The following EDIL3 variants were observed in gnomAD, a reference collection of about 807,000 sequenced individuals.
EDIL3 encodes the protein EGF like and discoidin domains 3.
EDIL3 carries 37 observed loss-of-function variants against 67.4 expected under a neutral mutation model. The ratio of observed to expected loss-of-function variants is 0.55; its 90% confidence interval spans 0.42 to 0.72. EDIL3 has a LOEUF of 0.72. Ranked by LOEUF, EDIL3 falls within the 30% of genes least tolerant of loss-of-function variation. The pLI, the probability that EDIL3 is intolerant of heterozygous loss-of-function variation, is 0.00. For synonymous variants in EDIL3, 195 were observed against 196.3 expected, an observed-to-expected ratio of 0.99 and a Z score of 0.05; for missense variants, 527 against 586.3, an observed-to-expected ratio of 0.90 and a Z score of 1.04.
rs201011201 is a variant in EDIL3, at chr5:84,074,524, A to C, written c.652-7918T>G. Among the ~76,000 whole-genome samples the C allele has an allele frequency of 3.0e-3, 458 of 152,250 alleles. 20 individuals are homozygous for C. The East Asian group carries it at 0.08, about 27-fold the overall frequency. On this transcript the variant is annotated intron_variant, in intron 6 of 10. Transcript: ENST00000296591. ...CAAGAAAAAAACAAATAACCCCATC[A>C]AAAAGTGGGCAAAGGACATGAACAG...
At position 84,139,011 on chromosome 5, in the gene EDIL3, G is replaced by A. The variant is rs531990667; in HGVS notation, c.356-1657C>T. ...TCCCAGCACTTTGGCAGGCCAAGGCGGGTGGATCACAAGGCCAGTAGTTCA... is the reference window on the plus strand; with the variant it reads ...TCCCAGCACTTTGGCAGGCCAAGGCAGGTGGATCACAAGGCCAGTAGTTCA... On this transcript the variant is annotated intron_variant, in intron 4 of 10. Coordinates refer to ENST00000296591, the MANE Select transcript of EDIL3 (RefSeq NM_005711.5). Among the ~76,000 whole-genome samples, 135 of 152,296 alleles carry A rather than the reference G, an allele frequency of 8.9e-4. 2 individuals carry two copies. In the Middle Eastern group the frequency reaches 0.031, roughly 35 times the overall value.
At chr5:84,219,411 C>T (rs1744295038) in intron 3 of EDIL3, among the ~76,000 whole-genome samples, 1 of 152,086 alleles carries the variant, frequency 6.6e-6, no homozygotes. Context: ...CATTGATCAT[C>T]AGAGAAATGC....
At chr5:84,321,860 A>C (rs1240021406) in intron 1 of EDIL3, among the ~76,000 whole-genome samples, 1 of 151,952 alleles carries the variant, frequency 6.6e-6, no homozygotes, top group Non-Finnish European at 1.5e-5. Flanking sequence ...CTCATTTCTC[A>C]TTTTTCTATT....
chr5:84,020,828 C>T (rs535591213), intron 9 of EDIL3, among the ~76,000 whole-genome samples: 4 of 152,072 alleles, frequency 2.6e-5, no homozygotes, highest in African/African-American at 9.6e-5. Context: ...GAAAAGGCTA[C>T]AAAAGTAACT....
chr5:84,282,512 T>G (rs1025496631), intron 1 of EDIL3, among the ~76,000 whole-genome samples: 3 of 152,222 alleles, frequency 2.0e-5, no homozygotes, highest in African/African-American at 7.2e-5. Flanking sequence ...TTCTTCATTC[T>G]CCTGTTTACA....
chr5:83,945,297 G>A (rs541327444), intron 10 of EDIL3, among the ~76,000 whole-genome samples: 11 of 152,060 alleles, frequency 7.2e-5, no homozygotes, highest in Admixed American at 6.6e-4. Context: ...AAAATCTTGA[G>A]AGACTGTTGC....
At chr5:84,175,016 G>T (rs955785602) in intron 4 of EDIL3, among the ~76,000 whole-genome samples, 1 of 152,124 alleles carries the variant, frequency 6.6e-6, no homozygotes, top group South Asian at 2.1e-4. Flanking sequence ...GCCAGGTGGA[G>T]GGTGTTAAGT....
At chr5:84,140,259 T>C (rs1348513624) in intron 4 of EDIL3, among the ~76,000 whole-genome samples, 1 of 152,168 alleles carries the variant, frequency 6.6e-6, no homozygotes, top group Non-Finnish European at 1.5e-5. Flanking sequence ...CATTTTAAGA[T>C]TGAAATATAT....
rs754406351 is a variant in EDIL3, at chr5:84,137,366, A to G, written c.356-12T>C. The G allele has an allele frequency of 6.2e-7, 1 of 1,603,684 alleles. No homozygotes were observed. The highest frequency in any genetic ancestry group is 1.1e-5 in the South Asian group (1 of 89,842). ...GCATTCATTTATGTCTAAGAAAAAC[A>G]GAAAGGACAGAGGAAGAGAATTATT... is the stretch of plus-strand genomic sequence containing the variant. On this transcript the variant is annotated splice_polypyrimidine_tract_variant and intron_variant, in intron 4 of 10. Coordinates refer to ENST00000296591, the MANE Select transcript of EDIL3 (RefSeq NM_005711.5).
chr5:84,016,523 G>T (rs1745609907), intron 9 of EDIL3, among the ~76,000 whole-genome samples: 1 of 152,072 alleles, frequency 6.6e-6, no homozygotes, highest in South Asian at 2.1e-4. Context: ...AATCCAAAAT[G>T]CTCCAAAATA....
At chr5:84,120,951 ACT>A (rs1747765053) in intron 5 of EDIL3, among the ~76,000 whole-genome samples, 1 of 152,044 alleles carries the variant, frequency 6.6e-6, no homozygotes, top group Non-Finnish European at 1.5e-5. Context: ...AAAGATTGCC[ACT>A]GAGTCCTCAT....
intron 3 of EDIL3, among the ~76,000 whole-genome samples, chr5:84,216,102 TA>T (rs1744220273): frequency 6.6e-6 from 1 of 152,088 alleles, no homozygotes; most frequent in South Asian, 2.1e-4. Context: ...TAAATGAAGC[TA>T]AAAAGACCTG....
At chr5:83,992,860 A>ATTTTT (rs1745174543) in intron 9 of EDIL3, among the ~76,000 whole-genome samples, 1 of 151,756 alleles carries the variant, frequency 6.6e-6, no homozygotes, top group Non-Finnish European at 1.5e-5. Context: ...CTCTATTTAA[A>ATTTTT]AATATTAAAA....
intron 1 of EDIL3, among the ~76,000 whole-genome samples, chr5:84,267,762 C>T (rs1299757450): frequency 6.6e-6 from 1 of 152,162 alleles, no homozygotes; most frequent in African/African-American, 2.4e-5. Flanking sequence ...TAAACAATCA[C>T]ATGAAAATGA....
intron 9 of EDIL3, among the ~76,000 whole-genome samples, chr5:84,008,852 AC>A: frequency 6.6e-6 from 1 of 152,238 alleles, no homozygotes; most frequent in African/African-American, 2.4e-5. Context: ...TCGCTCTGTC[AC>A]CCAGGCTAGA....
chr5:84,105,218 ATC>A (rs1276447851), intron 6 of EDIL3, among the ~76,000 whole-genome samples: 5 of 152,108 alleles, frequency 3.3e-5, no homozygotes, highest in African/African-American at 1.2e-4. Flanking sequence ...CATTTCCACT[ATC>A]TGGAGTTCAT....
At chr5:84,077,937 G>C (rs1218213395) in intron 6 of EDIL3, among the ~76,000 whole-genome samples, 1 of 150,996 alleles carries the variant, frequency 6.6e-6, no homozygotes, top group African/African-American at 2.4e-5. Flanking sequence ...TGATATTAAA[G>C]GTAACTCAGA....
At chr5:83,960,162 A>C (rs951959171) in intron 10 of EDIL3, among the ~76,000 whole-genome samples, 2 of 151,068 alleles carry the variant, frequency 1.3e-5, no homozygotes, top group Non-Finnish European at 3.0e-5. Flanking sequence ...TATTAAAAGC[A>C]AACTGGTTAG....
chr5:84,379,447 G>A (rs766583409), intron 1 of EDIL3, among the ~76,000 whole-genome samples: 1 of 152,114 alleles, frequency 6.6e-6, no homozygotes, highest in Non-Finnish European at 1.5e-5. Flanking sequence ...ATGACAAAAA[G>A]AGTAAATAAA....
Sources: allele counts gnomAD v4.1 joint callset (sites outside exome capture counted in the v4.1 genomes callset), GRCh38; gene constraint gnomAD v4.1.1; transcripts MANE v1.5; gene names NCBI Gene and HGNC (gene_info 2026-07-23, HGNC 2026-07-21).